The following SLC10A7 variants were observed in gnomAD, a reference collection of about 807,000 sequenced individuals.
SLC10A7 encodes solute carrier family 10 member 7.
A neutral mutation model predicts 43.2 loss-of-function variants in SLC10A7; 29 were observed. The ratio of observed to expected loss-of-function variants is 0.67; its 90% confidence interval spans 0.50 to 0.92. The LOEUF (loss-of-function observed/expected upper bound fraction) is 0.92, where lower values mean the gene tolerates loss of function less well. Ranked by LOEUF, SLC10A7 falls within the 40% of genes least tolerant of loss-of-function variation. The pLI, the probability that SLC10A7 is intolerant of heterozygous loss-of-function variation, is 0.00. For missense variants in SLC10A7, 295 were observed against 403.2 expected (o/e 0.73, Z 2.30); for synonymous variants, 152 against 144.8 (o/e 1.05, Z -0.35).
intron 7 of SLC10A7, among the ~76,000 whole-genome samples, chr4:146,301,870 A>G (rs779787384): frequency 1.2e-4 from 18 of 151,812 alleles, no homozygotes; most frequent in African/African-American, 1.9e-4. Context: ...AAGAGTCATC[A>G]AAGAACTGTG....
At chr4:146,469,681 C>T (rs932195328) in intron 4 of SLC10A7, among the ~76,000 whole-genome samples, 6 of 152,084 alleles carry the variant, frequency 3.9e-5, no homozygotes, top group African/African-American at 7.2e-5. Context: ...CAGGCTTGAG[C>T]GCAGTGGCAT....
intron 5 of SLC10A7, among the ~76,000 whole-genome samples, chr4:146,375,400 C>T (rs771747442): frequency 1.8e-4 from 28 of 152,226 alleles, no homozygotes; most frequent in Middle Eastern, 6.8e-3. Context: ...CTGGAATGTT[C>T]TCCAGAAATC....
At chr4:146,350,413 G>C (rs1346182458) in intron 5 of SLC10A7, among the ~76,000 whole-genome samples, 1 of 94,254 alleles carries the variant, frequency 1.1e-5, no homozygotes, top group Non-Finnish European at 2.1e-5. Flanking sequence ...TGCTAGCACA[G>C]CAGTCTGAGA....
At chr4:146,492,654 G>A (rs1735563776) in intron 4 of SLC10A7, among the ~76,000 whole-genome samples, 1 of 152,172 alleles carries the variant, frequency 6.6e-6, no homozygotes, top group Non-Finnish European at 1.5e-5. Context: ...ACAGGCATGA[G>A]CCACCGTGCC....
intron 5 of SLC10A7, among the ~76,000 whole-genome samples, chr4:146,386,269 C>A (rs1314501343): frequency 6.6e-6 from 1 of 152,074 alleles, no homozygotes; most frequent in Non-Finnish European, 1.5e-5. Flanking sequence ...TTAATAATAG[C>A]CATTTCAACT....
intron 5 of SLC10A7, among the ~76,000 whole-genome samples, chr4:146,394,917 T>C (rs538323801): frequency 6.6e-6 from 1 of 152,208 alleles, no homozygotes; most frequent in Admixed American, 6.5e-5. Context: ...ATACATGACC[T>C]TTGTTCAGCT....
intron 5 of SLC10A7, among the ~76,000 whole-genome samples, chr4:146,333,082 G>T (rs6857518): frequency 0.82 from 124,497 of 152,160 alleles, 51,743 homozygotes; most frequent in African/African-American, 0.95. Flanking sequence ...TCATAATAGT[G>T]TATGCCATAA....
At chr4:146,362,731 G>C (rs965607007) in intron 5 of SLC10A7, among the ~76,000 whole-genome samples, 1 of 151,912 alleles carries the variant, frequency 6.6e-6, no homozygotes, top group African/African-American at 2.4e-5. Flanking sequence ...TGAATTTAAA[G>C]CATGAGATTT....
At chr4:146,263,400 T>C (rs2111004136) in intron 10 of SLC10A7, among the ~76,000 whole-genome samples, 1 of 152,338 alleles carries the variant, frequency 6.6e-6, no homozygotes, top group South Asian at 2.1e-4. Context: ...GTGTGTTGAA[T>C]GAATGAACTT....
intron 10 of SLC10A7, among the ~76,000 whole-genome samples, chr4:146,273,628 GTTATTA>G (rs913624476): frequency 6.6e-6 from 1 of 152,036 alleles, no homozygotes; most frequent in African/African-American, 2.4e-5. Flanking sequence ...TGCTGTTGTT[GTTATTA>G]TTATTATAAG....
At chr4:146,282,423 T>C (rs1192131736) in intron 10 of SLC10A7, among the ~76,000 whole-genome samples, 1 of 152,182 alleles carries the variant, frequency 6.6e-6, no homozygotes, top group Non-Finnish European at 1.5e-5. Flanking sequence ...AAGTGACTCA[T>C]GTGCTAAAAT....
chr4:146,347,818 G>C (rs550410530), intron 5 of SLC10A7, among the ~76,000 whole-genome samples: 24 of 152,120 alleles, frequency 1.6e-4, no homozygotes, highest in Non-Finnish European at 2.8e-4. Context: ...GATTTCTTAA[G>C]AGGAACAAAA....
chr4:146,364,598 A>C (rs974655569), intron 5 of SLC10A7, among the ~76,000 whole-genome samples: 7 of 152,158 alleles, frequency 4.6e-5, no homozygotes, highest in African/African-American at 1.7e-4. Context: ...TGGAGATAGC[A>C]GAGTGATGGT....
At chr4:146,495,412 A>C (rs958987344) in intron 4 of SLC10A7, among the ~76,000 whole-genome samples, 2 of 152,218 alleles carry the variant, frequency 1.3e-5, no homozygotes, top group African/African-American at 2.4e-5. Context: ...AATGAATCTT[A>C]TCTTAATGCA....
chr4:146,452,875 A>T lies in SLC10A7; in HGVS notation c.397-10054T>A, dbSNP rs527822280. Reference sequence around the variant, plus strand: ...AACCATTACTGAATATTTTCTCTCAACAAAGAAAGCTAAATGAAGACTTAA... The same window carrying T: ...AACCATTACTGAATATTTTCTCTCATCAAAGAAAGCTAAATGAAGACTTAA... On this transcript the variant is annotated intron_variant, in intron 4 of 11. Coordinates refer to ENST00000335472, the MANE Select transcript of SLC10A7 (RefSeq NM_001029998.6). 6.9e-4 allele frequency among the ~76,000 whole-genome samples: 105 copies of T among 152,012 alleles called. 1 individual carries two copies. The highest frequency in any genetic ancestry group is 2.0e-4 in the Admixed American group (3 of 15,238).
chr4:146,304,340 A>G (rs75882297), intron 7 of SLC10A7, among the ~76,000 whole-genome samples: 5 of 151,862 alleles, frequency 3.3e-5, no homozygotes, highest in Non-Finnish European at 7.4e-5. Flanking sequence ...CGGAGACCTT[A>G]TCAAAAGTTG....
intron 4 of SLC10A7, among the ~76,000 whole-genome samples, chr4:146,499,619 C>T (rs1736215342): frequency 6.6e-6 from 1 of 152,100 alleles, no homozygotes; most frequent in Admixed American, 6.5e-5. Flanking sequence ...CATTTCATAT[C>T]AGAAGGTAGG....
chr4:146,472,694 G>A (rs1579279981), intron 4 of SLC10A7, among the ~76,000 whole-genome samples: 1 of 152,260 alleles, frequency 6.6e-6, no homozygotes, highest in East Asian at 1.9e-4. Context: ...GTGGCAGCTA[G>A]AGCTAGCTCA....
chr4:146,443,486 A>G (rs1163309654), intron 4 of SLC10A7, among the ~76,000 whole-genome samples: 7 of 152,232 alleles, frequency 4.6e-5, no homozygotes, highest in African/African-American at 1.7e-4. Context: ...TAATTGAATC[A>G]CTATATTCAA....
Sources: gnomAD v4.1 joint callset for allele counts (sites outside exome capture counted in the v4.1 genomes callset) on GRCh38, gnomAD v4.1.1 for gene constraint, MANE v1.5 for transcripts, NCBI Gene and HGNC (gene_info 2026-07-23, HGNC 2026-07-21) for gene names.